Variants in ZNF516 observed in about 807,000 individuals in gnomAD.
ZNF516 encodes zinc finger protein 516.
A neutral mutation model predicts 79.7 loss-of-function variants in ZNF516; 19 were observed. That is an observed-to-expected ratio of 0.24 (90% CI 0.17 to 0.35). The LOEUF is 0.35. ZNF516 is among the 10% of genes least tolerant of loss of function. The pLI, the probability that ZNF516 is intolerant of heterozygous loss-of-function variation, is 1.00. For synonymous variants in ZNF516, 877 were observed against 739.5 expected (o/e 1.19, Z -3.02); for missense variants, 1,678 against 1,679.5 (o/e 1.00, Z 0.02).
In ZNF516 at chr18:76,362,407, C is replaced by T. The variant is rs1232981253; in HGVS notation, c.*91G>A. ...GTTCCCCGGCTGTTCTTCCATGGAGCGGCCAGGTCACAGGTGGGAGGCTGC... is the reference window on the plus strand; with the variant it reads ...GTTCCCCGGCTGTTCTTCCATGGAGTGGCCAGGTCACAGGTGGGAGGCTGC... On this transcript the variant is annotated 3_prime_UTR_variant, in exon 7 of 7. Transcript: ENST00000443185. 12 of 1,284,486 alleles carry T rather than the reference C, an allele frequency of 9.3e-6. No individual in the cohort carries two copies. The highest frequency in any genetic ancestry group is 4.0e-5 in the Admixed American group (2 of 50,476). The allele number at this position is 1,284,486 out of a possible 1,614,324, so 79.6% of individuals were successfully genotyped here. A position where few individuals can be genotyped will look rare whatever the true frequency, so the allele number is the denominator to read the frequency against.
chr18:76,419,174 G>A lies in ZNF516; in HGVS notation c.1810+22071C>T, dbSNP rs1157494655. On this transcript the variant is annotated intron_variant, in intron 3 of 6. Transcript: ENST00000443185. ...TTTCTGAGACCCTGGGGGAATTCAG[G>A]ATTGTCCAGGATTATACACGAGGCT... Among the ~76,000 whole-genome samples, 6 of 152,220 alleles carry A rather than the reference G, an allele frequency of 3.9e-5. No individual in the cohort carries two copies. The East Asian group carries it at 1.2e-3, about 29-fold the overall frequency.
In ZNF516 at chr18:76,459,176, C is replaced by T. The variant is rs978746335; in HGVS notation, c.-158+3852G>A. ...ACAGAGCCAGACGCTGCAGCAGTAACGGGGCGCCGGGCCCACCTGCTGCCC... is the reference window on the plus strand; with the variant it reads ...ACAGAGCCAGACGCTGCAGCAGTAATGGGGCGCCGGGCCCACCTGCTGCCC... On this transcript the variant is annotated intron_variant, in intron 2 of 6. Coordinates refer to ENST00000443185, the MANE Select transcript of ZNF516 (RefSeq NM_014643.4). This position sits in a 1 kb window ranked among gnomAD's most constrained non-coding sequence, Gnocchi z 5.0. Among the ~76,000 whole-genome samples the T allele has an allele frequency of 6.6e-5, 10 of 152,224 alleles. No individual in the cohort carries two copies. Among genetic ancestry groups the T allele is most frequent in the African/African-American group, 1.7e-4 (7 of 41,462 alleles).
chr18:76,493,687 A>T lies in ZNF516; in HGVS notation c.-272+1457T>A, dbSNP rs1020501282. ...GACGTCACAATTCACTCCCTGAAAA[A>T]TCACACTCCCCCTCCAGTTTCTTCC... On this transcript the variant is annotated intron_variant, in intron 1 of 6. Transcript: ENST00000443185. This position sits in a 1 kb window ranked among gnomAD's most constrained non-coding sequence, Gnocchi z 5.2. 3 of 152,258 alleles carry T rather than the reference A, an allele frequency of 2.0e-5. No homozygotes were observed. Among genetic ancestry groups the T allele is most frequent in the African/African-American group, 7.2e-5 (3 of 41,450 alleles). The allele number at this position is 152,258 out of a possible 1,614,324, so 9.4% of individuals were successfully genotyped here. A position where few individuals can be genotyped will look rare whatever the true frequency, so the allele number is the denominator to read the frequency against.
chr18:76,471,693 G>C (rs1913852021), intron 1 of ZNF516, among the ~76,000 whole-genome samples: 1 of 152,226 alleles, frequency 6.6e-6, no homozygotes, highest in African/African-American at 2.4e-5. Context: ...CGCTGAACGG[G>C]AGATCCCAGA....
chr18:76,388,470 G>T (rs548739952), intron 3 of ZNF516: 11 of 152,284 alleles, frequency 7.2e-5, no homozygotes, highest in Admixed American at 5.2e-4. Flanking sequence ...TGCAAGTCCC[G>T]CGAGGGGTCA....
chr18:76,493,219 T>C lies in ZNF516; in HGVS notation c.-272+1925A>G, dbSNP rs1215143317. On this transcript the variant is annotated intron_variant, in intron 1 of 6. Transcript: ENST00000443185. The surrounding 1 kb of genome is among the most constrained non-coding windows in gnomAD (Gnocchi z 5.2). ...TTAAGGAGGGAGGCGTCAGACGATA[T>C]CCATTTAAATATATTTTGTACTTCC... 3 of 966,988 alleles carry C rather than the reference T, an allele frequency of 3.1e-6. No individual in the cohort carries two copies. The highest frequency in any genetic ancestry group is 6.2e-5 in the Admixed American group (1 of 16,114). 59.9% of individuals were successfully genotyped at this position (966,988 alleles called of 1,614,324 possible). A position where few individuals can be genotyped will look rare whatever the true frequency, so the allele number is the denominator to read the frequency against.
Position 76,480,775 on chromosome 18 carries a change from G to A in ZNF516, c.-272+14369C>T, listed in dbSNP as rs112017759. ...GACCTCAAGTGATCCGCCCACCTCGGCCTCCCAAAATGCTGGGATTACAGG... is the reference window on the plus strand; with the variant it reads ...GACCTCAAGTGATCCGCCCACCTCGACCTCCCAAAATGCTGGGATTACAGG... On this transcript the variant is annotated intron_variant, in intron 1 of 6. Transcript: ENST00000443185. Among the ~76,000 whole-genome samples, 215 of 152,102 alleles carry A rather than the reference G, an allele frequency of 1.4e-3. 2 individuals carry two copies. Among genetic ancestry groups the A allele is most frequent in the Admixed American group, 3.9e-4 (6 of 15,268 alleles).
At chr18:76,492,106 C>T in intron 1 of ZNF516, 1 of 961,210 alleles carries the variant, frequency 1.0e-6, no homozygotes, top group Non-Finnish European at 1.2e-6. Context: ...CTGCAGGGGT[C>T]TCCGGGGAGG....
At chr18:76,410,202 G>C (rs988872487) in intron 3 of ZNF516, among the ~76,000 whole-genome samples, 1 of 152,204 alleles carries the variant, frequency 6.6e-6, no homozygotes, top group Non-Finnish European at 1.5e-5. Context: ...TGCCAGTGCT[G>C]GCTGGCAAGG....
intron 3 of ZNF516, among the ~76,000 whole-genome samples, chr18:76,413,524 TA>T (rs1164295832): frequency 6.6e-6 from 1 of 152,152 alleles, no homozygotes; most frequent in Non-Finnish European, 1.5e-5. Flanking sequence ...ACATTCACTT[TA>T]TATGACTATA....
intron 1 of ZNF516, among the ~76,000 whole-genome samples, chr18:76,474,367 T>G (rs1599146915): frequency 6.6e-6 from 1 of 152,092 alleles, no homozygotes; most frequent in Admixed American, 6.5e-5. Context: ...TTCAAAACAG[T>G]ACAGGTCCCA....
intron 3 of ZNF516, among the ~76,000 whole-genome samples, chr18:76,389,947 C>T (rs752239509): frequency 1.3e-5 from 2 of 152,196 alleles, no homozygotes; most frequent in Non-Finnish European, 2.9e-5. Context: ...GGGCAGCACG[C>T]AGTTTTATTA....
chr18:76,370,560 C>T lies in ZNF516; in HGVS notation c.3400G>A (p.Val1134Ile), dbSNP rs1285905379. 3 of 1,608,192 alleles carry T rather than the reference C, an allele frequency of 1.9e-6. No individual in the cohort carries two copies. Among genetic ancestry groups the T allele is most frequent in the Non-Finnish European group, 1.7e-6 (2 of 1,177,036 alleles). Residue 1134 changes from valine to isoleucine, a missense_variant, in exon 6 of 7, where the codon GTT becomes ATT. Val to Ile is a conservative substitution (Grantham distance 29). Around this residue, in one of 5 missense-constraint regions of ZNF516, gnomAD observed 1,294 missense variants for 1,248.3 expected, o/e 1.04. Coordinates refer to ENST00000443185, the MANE Select transcript of ZNF516 (RefSeq NM_014643.4). ...GGGGCGTCTGCGGAGGTGGTATGAA[C>T]TTCAGAACCCCGAGGCCCATCGGAC... ...FESDGPRGSE[V>I]HTTSADAPKQ... is the part of the protein sequence containing the mutation.
Position 76,451,620 on chromosome 18 carries a change from G to A in ZNF516, c.-157-8409C>T, listed in dbSNP as rs760075492. ...GGTTGGTCCCGGCCACAGCTACTACGGGGTCGGCGCAGAAGCCCGTGCGTG... is the reference window on the plus strand; with the variant it reads ...GGTTGGTCCCGGCCACAGCTACTACAGGGTCGGCGCAGAAGCCCGTGCGTG... On this transcript the variant is annotated intron_variant, in intron 2 of 6. Transcript: ENST00000443185. The surrounding 1 kb of genome is among the most constrained non-coding windows in gnomAD (Gnocchi z 6.0). Among the ~76,000 whole-genome samples, 7 of 152,190 alleles carry A rather than the reference G, an allele frequency of 4.6e-5. No individual in the cohort carries two copies. The highest frequency in any genetic ancestry group is 1.9e-4 in the East Asian group (1 of 5,192).
chr18:76,404,465 GTGTT>G (rs2075274055), intron 3 of ZNF516, among the ~76,000 whole-genome samples: 1 of 151,902 alleles, frequency 6.6e-6, no homozygotes, highest in Admixed American at 6.5e-5. Flanking sequence ...GAGCAAGTTT[GTGTT>G]TGTGCATGTG....
intron 2 of ZNF516, among the ~76,000 whole-genome samples, chr18:76,462,007 G>A (rs1217268043): frequency 3.3e-5 from 5 of 152,362 alleles, no homozygotes; most frequent in Non-Finnish European, 7.3e-5. Flanking sequence ...GATATCAAGC[G>A]TGCGGGCCCT....
Position 76,362,550 on chromosome 18 carries a change from T to C in ZNF516, c.3440A>G (p.Asp1147Gly). ...CTGGACGGTACCTGTGTTAGAATGG[T>C]CTCTCCCCTGGGTGAGAAAAAGGAA... Reference protein sequence around the residue: ...TSADAPKQGRDHSNTGTVQTV... With the variant: ...TSADAPKQGRGHSNTGTVQTV... The change falls in exon 7 of 7, where the codon GAC becomes GGC. Residue 1147 changes from aspartate to glycine, a missense_variant. Asp to Gly is a moderately conservative substitution (Grantham distance 94, BLOSUM62 -1). Around this residue, in one of 5 missense-constraint regions of ZNF516, gnomAD observed 1,294 missense variants for 1,248.3 expected, o/e 1.04. Coordinates refer to ENST00000443185, the MANE Select transcript of ZNF516 (RefSeq NM_014643.4). 1 of 1,611,332 alleles carries C rather than the reference T, an allele frequency of 6.2e-7. No homozygotes were observed. The highest frequency in any genetic ancestry group is 8.5e-7 in the Non-Finnish European group (1 of 1,177,674).
intron 3 of ZNF516, among the ~76,000 whole-genome samples, chr18:76,435,841 T>G (rs1441950994): frequency 6.6e-6 from 1 of 152,180 alleles, no homozygotes; most frequent in East Asian, 1.9e-4. Flanking sequence ...CGGTCTCCGT[T>G]CTTCTGAATT....
chr18:76,377,738 T>C (rs1568237367), intron 4 of ZNF516, among the ~76,000 whole-genome samples: 2 of 149,734 alleles, frequency 1.3e-5, no homozygotes, highest in African/African-American at 5.0e-5. Flanking sequence ...TTTTTTGAGA[T>C]GGAGTCTCAC....
Sources: allele counts gnomAD v4.1 joint callset (sites outside exome capture counted in the v4.1 genomes callset), GRCh38; gene constraint gnomAD v4.1.1; regional missense constraint gnomAD v4.1.1; non-coding constraint Gnocchi (gnomAD v3.1); transcripts MANE v1.5; gene names NCBI Gene and HGNC (gene_info 2026-07-23, HGNC 2026-07-21).